ADGRL3: variants seen among roughly 807,000 people sequenced by gnomAD.
The protein encoded by ADGRL3 is calcium-independent alpha-latrotoxin receptor 3.
ADGRL3 carries 62 observed loss-of-function variants against 153.5 expected under a neutral mutation model. The observed-to-expected ratio is 0.40, with a 90% CI of 0.33 to 0.50. The LOEUF (loss-of-function observed/expected upper bound fraction) is 0.50, where lower values mean the gene tolerates loss of function less well. ADGRL3 is among the 20% of genes least tolerant of loss of function. The pLI is 0.47. For synonymous variants in ADGRL3, 710 were observed against 672.5 expected, an observed-to-expected ratio of 1.06 and a Z score of -0.86; for missense variants, 1,641 against 1,859.4, an observed-to-expected ratio of 0.88 and a Z score of 2.16.
At chr4:61,453,193 T>G (rs948510709) in intron 2 of ADGRL3, among the ~76,000 whole-genome samples, 69 of 152,258 alleles carry the variant, frequency 4.5e-4, no homozygotes, top group African/African-American at 1.6e-3. Context: ...ACTTTATTTT[T>G]TAGGCATTAT....
intron 1 of ADGRL3, among the ~76,000 whole-genome samples, chr4:61,247,405 T>G (rs1757532988): frequency 6.6e-6 from 1 of 152,118 alleles, no homozygotes; most frequent in Non-Finnish European, 1.5e-5. Flanking sequence ...AGCTCTTTTC[T>G]GAAAGTTCTT....
intron 5 of ADGRL3, among the ~76,000 whole-genome samples, chr4:61,617,849 A>G (rs192722439): frequency 2.2e-4 from 34 of 152,302 alleles, no homozygotes; most frequent in Admixed American, 1.7e-3. Context: ...TTGAATATCT[A>G]TCTGCTTCCA....
At chr4:61,486,454 G>A (rs190664989) in intron 2 of ADGRL3, among the ~76,000 whole-genome samples, 1 of 152,116 alleles carries the variant, frequency 6.6e-6, no homozygotes, top group African/African-American at 2.4e-5. Flanking sequence ...TGCCATAGGT[G>A]TAAGGCTTAT....
At chr4:61,486,229 C>T (rs1560714490) in intron 2 of ADGRL3, among the ~76,000 whole-genome samples, 1 of 152,098 alleles carries the variant, frequency 6.6e-6, no homozygotes, top group Non-Finnish European at 1.5e-5. Flanking sequence ...CAGGTGTGAG[C>T]CACCATACCC....
intron 1 of ADGRL3, among the ~76,000 whole-genome samples, chr4:61,294,055 C>T (rs2150209546): frequency 6.6e-6 from 1 of 152,264 alleles, no homozygotes; most frequent in East Asian, 1.9e-4. Flanking sequence ...CTTTATAATG[C>T]CACGAAAGTA....
Position 62,006,003 on chromosome 4 carries a change from C to CATAT in ADGRL3, c.3395+7765_3395+7768dup, listed in dbSNP as rs1217370949. Among the ~76,000 whole-genome samples, 96 of 48,974 alleles carry CATAT rather than the reference C, an allele frequency of 2.0e-3. 1 individual carries two copies. The highest frequency in any genetic ancestry group is 2.5e-3 in the Non-Finnish European group (66 of 26,550). 32.1% of individuals were successfully genotyped at this position (48,974 alleles called of 152,430 possible). On this transcript the variant is annotated intron_variant, in intron 21 of 26. Transcript: ENST00000683033. The stretch of plus-strand genomic sequence containing the variant: ...ACACACACACACACACACACACACA[C>CATAT]ATATATATATATATATATATATATA...
At chr4:61,570,740 T>C (rs966970975) in intron 4 of ADGRL3, among the ~76,000 whole-genome samples, 5 of 152,166 alleles carry the variant, frequency 3.3e-5, no homozygotes, top group African/African-American at 4.8e-5. Flanking sequence ...CTTTGCACTA[T>C]ATCAAGGAAC....
chr4:61,999,837 A>G, intron 21 of ADGRL3, among the ~76,000 whole-genome samples: 1 of 152,218 alleles, frequency 6.6e-6, no homozygotes, highest in East Asian at 1.9e-4. Flanking sequence ...AAGGAATTAG[A>G]AAAATTAAAA....
chr4:61,905,723 A>C (rs2098692292), intron 11 of ADGRL3, among the ~76,000 whole-genome samples: 1 of 151,846 alleles, frequency 6.6e-6, no homozygotes, highest in Admixed American at 6.6e-5. Context: ...GGCAAAACCT[A>C]ATCTCTACTG....
chr4:61,369,817 C>T (rs1045928749), intron 1 of ADGRL3, among the ~76,000 whole-genome samples: 49 of 152,116 alleles, frequency 3.2e-4, no homozygotes, highest in Non-Finnish European at 4.6e-4. Context: ...CCAGTTCCTC[C>T]TTGTACCTCT....
rs2098337831 is a variant in ADGRL3, at chr4:61,497,775, T to C, written c.55+427T>C. Among the ~76,000 whole-genome samples, 3 of 151,792 alleles carry C rather than the reference T, an allele frequency of 2.0e-5. 1 individual carries two copies. The highest frequency in any genetic ancestry group is 2.0e-4 in the Admixed American group (3 of 15,232). On this transcript the variant is annotated intron_variant, in intron 3 of 26. Transcript: ENST00000683033. ...TCCTGACCTCGTGACCCGCCCTCCT[T>C]GGCCTCCCAAAGTGCTGGGATTACA...
intron 6 of ADGRL3, among the ~76,000 whole-genome samples, chr4:61,709,657 C>T (rs1044208208): frequency 2.0e-5 from 3 of 152,082 alleles, no homozygotes; most frequent in African/African-American, 4.8e-5. Context: ...TTATGTGCCT[C>T]GAAAGCCTGG....
intron 1 of ADGRL3, among the ~76,000 whole-genome samples, chr4:61,339,375 T>C (rs2095755441): frequency 6.6e-6 from 1 of 152,198 alleles, no homozygotes; most frequent in African/African-American, 2.4e-5. Context: ...TTGATAATTG[T>C]TAAACTCAAC....
At chr4:61,841,773 T>C (rs9990553) in intron 9 of ADGRL3, among the ~76,000 whole-genome samples, 55,310 of 151,800 alleles carry the variant, frequency 0.36, 12,680 homozygotes, top group East Asian at 0.75. Flanking sequence ...TCGTCTGTAC[T>C]TGGCTGGAGT....
chr4:62,006,032 A>ATT (rs1553908051), intron 21 of ADGRL3, among the ~76,000 whole-genome samples: 845 of 73,016 alleles, frequency 0.012, 35 homozygotes, highest in East Asian at 0.03. Flanking sequence ...ATATATATAT[A>ATT]TTTTTTTTTT....
intron 6 of ADGRL3, among the ~76,000 whole-genome samples, chr4:61,712,145 G>A (rs1382168515): frequency 2.0e-5 from 3 of 152,042 alleles, no homozygotes; most frequent in African/African-American, 7.2e-5. Flanking sequence ...TATAATCCTA[G>A]CACTTTGGGA....
chr4:61,908,117 GA>G (rs139714247), intron 11 of ADGRL3, among the ~76,000 whole-genome samples: 2 of 150,546 alleles, frequency 1.3e-5, no homozygotes, highest in Non-Finnish European at 3.0e-5. Flanking sequence ...CTACAAAACT[GA>G]AAAAAAAATT....
chr4:61,815,945 A>G (rs1447767169), intron 9 of ADGRL3, among the ~76,000 whole-genome samples: 1 of 152,162 alleles, frequency 6.6e-6, no homozygotes, highest in Non-Finnish European at 1.5e-5. Context: ...TTTATAAATT[A>G]CCCCATCACA....
At chr4:61,423,124 A>G (rs1426573947) in intron 2 of ADGRL3, among the ~76,000 whole-genome samples, 1 of 152,200 alleles carries the variant, frequency 6.6e-6, no homozygotes, top group Non-Finnish European at 1.5e-5. Flanking sequence ...TATATAGCTT[A>G]TCTGAGTTAG....
Sources: allele counts gnomAD v4.1 joint callset (sites outside exome capture counted in the v4.1 genomes callset), GRCh38; gene constraint gnomAD v4.1.1; transcripts MANE v1.5; gene names NCBI Gene and HGNC (gene_info 2026-07-23, HGNC 2026-07-21).